Variants in NDUFAF5 observed in about 807,000 individuals in gnomAD.
NDUFAF5 encodes the protein NADH:ubiquinone oxidoreductase complex assembly factor 5, also known as arginine-hydroxylase NDUFAF5, mitochondrial.
Under a neutral mutation model 48.9 loss-of-function variants are expected in NDUFAF5, and 34 were observed. The observed-to-expected ratio is 0.70, with a 90% CI of 0.53 to 0.93. The LOEUF (loss-of-function observed/expected upper bound fraction) is 0.93, where lower values mean the gene tolerates loss of function less well. Ranked by LOEUF, NDUFAF5 falls within the 40% of genes least tolerant of loss-of-function variation. The pLI is 0.00. For missense variants in NDUFAF5, 428 were observed against 427.5 expected (o/e 1.00, Z -0.01); for synonymous variants, 153 against 150.6 (o/e 1.02, Z -0.12).
intron 7 of NDUFAF5, 190 bp downstream of exon 7, chr20:13,801,873 G>A (rs1984213526): frequency 1.3e-5 from 7 of 547,476 alleles, no homozygotes; most frequent in Admixed American, 6.7e-5. Context: ...ATTGACACAA[G>A]GTAGGAATGT....
At chr20:13,802,745 C>A (rs1053020502) in intron 7 of NDUFAF5, among the ~76,000 whole-genome samples, 1 of 151,200 alleles carries the variant, frequency 6.6e-6, no homozygotes, top group Non-Finnish European at 1.5e-5. Flanking sequence ...AGTACCAGGA[C>A]CATGGTAGAT....
chr20:13,799,612 T>A (rs1267047995), intron 6 of NDUFAF5, among the ~76,000 whole-genome samples: 1 of 151,776 alleles, frequency 6.6e-6, no homozygotes, highest in Non-Finnish European at 1.5e-5. Context: ...GGCAGGAGAT[T>A]CTCTTGAACA....
chr20:13,799,740 G>T lies in NDUFAF5; in HGVS notation c.519+1240G>T, dbSNP rs6079176. 2.0e-5 allele frequency among the ~76,000 whole-genome samples: 3 copies of T among 151,448 alleles called. No homozygotes were observed. In the East Asian group the frequency reaches 5.8e-4, roughly 29 times the overall value. On this transcript the variant is annotated intron_variant, in intron 6 of 10. Coordinates refer to ENST00000378106, the MANE Select transcript of NDUFAF5 (RefSeq NM_024120.5). ...AAGAAACTGATGCCTGGAGCAGTTCGTTAAATTGAAGGGAGACTGTTTCAG... is the reference window on the plus strand; with the variant it reads ...AAGAAACTGATGCCTGGAGCAGTTCTTTAAATTGAAGGGAGACTGTTTCAG...
Position 13,818,443 on chromosome 20 carries a change from G to GTTT in NDUFAF5, c.*1245_*1247dup. On this transcript the variant is annotated 3_prime_UTR_variant, in exon 11 of 11. Coordinates refer to ENST00000378106, the MANE Select transcript of NDUFAF5 (RefSeq NM_024120.5). ...AGAATTTGGCGTTTTGTTTTTTGGG[G>GTTT]TTTTTTTTTTTTTTAGCTTAATTTT... 14 of 297,012 alleles carry GTTT rather than the reference G, an allele frequency of 4.7e-5. No individual in the cohort carries two copies. Among genetic ancestry groups the GTTT allele is most frequent in the African/African-American group, 9.4e-5 (4 of 42,714 alleles). 18.4% of individuals were successfully genotyped at this position (297,012 alleles called of 1,614,324 possible).
At position 13,818,354 on chromosome 20, in the gene NDUFAF5, G is replaced by A. The variant is rs115536179; in HGVS notation, c.*1144G>A. The A allele has an allele frequency of 5.3e-3, 2,043 of 386,104 alleles. 37 individuals carry two copies. The highest frequency in any genetic ancestry group is 0.039 in the African/African-American group (1,884 of 47,752). 23.9% of individuals were successfully genotyped at this position (386,104 alleles called of 1,614,324 possible). On this transcript the variant is annotated 3_prime_UTR_variant, in exon 11 of 11. Transcript: ENST00000378106. ...GTTCCCTTCAGTTTGAAAAATCATC[G>A]ATATTTGAAACTGGGATACGCTTGG...
At chr20:13,800,212 A>C (rs1983910755) in intron 6 of NDUFAF5, among the ~76,000 whole-genome samples, 2 of 152,166 alleles carry the variant, frequency 1.3e-5, no homozygotes, top group African/African-American at 4.8e-5. Flanking sequence ...GAGAGCGGGG[A>C]GCTGCAGAAT....
intron 7 of NDUFAF5, chr20:13,801,956 TACA>T (rs1167265354): frequency 1.3e-5 from 5 of 381,092 alleles, no homozygotes; most frequent in African/African-American, 2.1e-5. Flanking sequence ...TTTCTAAACA[TACA>T]ACTCCATTAG....
At chr20:13,810,763 T>TGGAG (rs1985745531) in intron 8 of NDUFAF5, among the ~76,000 whole-genome samples, 2 of 151,820 alleles carry the variant, frequency 1.3e-5, no homozygotes, top group African/African-American at 4.8e-5. Context: ...CAAAGGCCAG[T>TGGAG]GGAGGGGTTG....
intron 6 of NDUFAF5, among the ~76,000 whole-genome samples, chr20:13,799,698 CAA>C (rs780212570): frequency 1.2e-4 from 10 of 81,388 alleles, no homozygotes; most frequent in Middle Eastern, 6.7e-3. Context: ...GACTCTGTCT[CAA>C]AAAAAAAAAA....
At chr20:13,809,174 A>T (rs1985502504) in intron 8 of NDUFAF5, among the ~76,000 whole-genome samples, 4 of 152,216 alleles carry the variant, frequency 2.6e-5, no homozygotes, top group African/African-American at 9.6e-5. Flanking sequence ...ATATAGTGCT[A>T]CGGCTGTTTG....
rs1986756417 is a variant in NDUFAF5 at position 13,818,486 on chromosome 20, GAAC to G, written c.*1285_*1287del. On this transcript the variant is annotated 3_prime_UTR_variant, in exon 11 of 11. Transcript: ENST00000378106. Reference sequence around the variant, plus strand: ...TTAATTTTCAGAACTTGAAGAGAGAGAACAACAACAAAAAACAAACTGCGCTAG... The same window carrying G: ...TTAATTTTCAGAACTTGAAGAGAGAGAACAACAAAAAACAAACTGCGCTAG... 1.2e-5 allele frequency: 4 copies of G among 339,900 alleles called. No homozygotes were observed. Among genetic ancestry groups the G allele is most frequent in the African/African-American group, 2.2e-5 (1 of 45,644 alleles). 21.1% of individuals were successfully genotyped at this position (339,900 alleles called of 1,614,324 possible). A position where few individuals can be genotyped will look rare whatever the true frequency, so the allele number is the denominator to read the frequency against.
intron 3 of NDUFAF5, among the ~76,000 whole-genome samples, chr20:13,789,775 C>T (rs6105167): frequency 6.6e-6 from 1 of 152,204 alleles, no homozygotes; most frequent in Non-Finnish European, 1.5e-5. Flanking sequence ...CATGCCCAGC[C>T]TCATAAAGTG....
chr20:13,812,267 C>G (rs1985968799), intron 8 of NDUFAF5, among the ~76,000 whole-genome samples: 1 of 152,138 alleles, frequency 6.6e-6, no homozygotes, highest in South Asian at 2.1e-4. Flanking sequence ...CCATTGTCAT[C>G]AGTTTTCATT....
chr20:13,799,363 T>C (rs138242199), intron 6 of NDUFAF5, among the ~76,000 whole-genome samples: 91 of 152,292 alleles, frequency 6.0e-4, no homozygotes, highest in African/African-American at 2.0e-3. Context: ...TTTATATTTG[T>C]GTTAAATAGC....
chr20:13,788,554 TG>T, intron 2 of NDUFAF5, 34 bp from the exon 3 acceptor site: 1 of 1,482,400 alleles, frequency 6.7e-7, no homozygotes, highest in Non-Finnish European at 9.4e-7. Flanking sequence ...GACTGTGTTA[TG>T]GACAGAGCAT....
intron 3 of NDUFAF5, among the ~76,000 whole-genome samples, chr20:13,789,714 G>A (rs1398002334): frequency 2.0e-5 from 3 of 152,078 alleles, no homozygotes; most frequent in Non-Finnish European, 2.9e-5. Flanking sequence ...CTGACCTCAT[G>A]ATCTGTCCGC....
intron 8 of NDUFAF5, chr20:13,814,498 T>C (rs116982897): frequency 7.8e-7 from 1 of 1,287,066 alleles, no homozygotes; most frequent in East Asian, 5.6e-5. Flanking sequence ...TTTTCAAGGC[T>C]TTCACAGTGG....
In NDUFAF5 at chr20:13,818,510, G is replaced by A. The variant is rs192158290; in HGVS notation, c.*1300G>A. 3.0e-6 allele frequency: 1 copy of A among 336,806 alleles called. No individual in the cohort carries two copies. The highest frequency in any genetic ancestry group is 8.1e-5 in the East Asian group (1 of 12,372). The allele number at this position is 336,806 out of a possible 1,614,324, so 20.9% of individuals were successfully genotyped here. On this transcript the variant is annotated 3_prime_UTR_variant, in exon 11 of 11. Coordinates refer to ENST00000378106, the MANE Select transcript of NDUFAF5 (RefSeq NM_024120.5). ...AGAACAACAACAAAAAACAAACTGC[G>A]CTAGCCAGGTGCAATGGCGCATGCC...
At chr20:13,805,310 TTAAA>T (rs1984834916) in intron 7 of NDUFAF5, among the ~76,000 whole-genome samples, 1 of 152,190 alleles carries the variant, frequency 6.6e-6, no homozygotes, top group Non-Finnish European at 1.5e-5. Flanking sequence ...CAGAAGAAAG[TTAAA>T]TTATGTGAAC....
Sources: allele counts gnomAD v4.1 joint callset (sites outside exome capture counted in the v4.1 genomes callset), GRCh38; gene constraint gnomAD v4.1.1; transcripts MANE v1.5; gene names NCBI Gene and HGNC (gene_info 2026-07-23, HGNC 2026-07-21).